FANCM: variants seen among roughly 807,000 people sequenced by gnomAD.
FANCM encodes Fanconi anemia group M protein.
A neutral mutation model predicts 199.5 loss-of-function variants in FANCM; 140 were observed. That is an observed-to-expected ratio of 0.70 (90% CI 0.61 to 0.81). The LOEUF (loss-of-function observed/expected upper bound fraction) is 0.81, where lower values mean the gene tolerates loss of function less well. Ranked by LOEUF, FANCM falls within the 30% of genes least tolerant of loss-of-function variation. The pLI is 0.00. For synonymous variants in FANCM, 840 were observed against 836.8 expected, an observed-to-expected ratio of 1.00 and a Z score of -0.07; for missense variants, 2,410 against 2,421.4, an observed-to-expected ratio of 1.00 and a Z score of 0.10.
intron 8 of FANCM, among the ~76,000 whole-genome samples, chr14:45,156,916 CAAAAAAA>C (rs535786477): frequency 2.1e-5 from 1 of 47,802 alleles, no homozygotes; most frequent in Non-Finnish European, 4.5e-5. Flanking sequence ...GACTCTGTCT[CAAAAAAA>C]AAAAAAAAAA....
In FANCM at chr14:45,176,637, A is replaced by G. The variant is rs2139251959; in HGVS notation, c.3883A>G (p.Ile1295Val). Residue 1295 changes from isoleucine (I) to valine (V), a missense_variant, in exon 14 of 23, where the codon ATT becomes GTT. Physicochemically the swap from Ile to Val is conservative, Grantham distance 29 (BLOSUM62 3). Transcript: ENST00000267430. The part of the protein sequence containing the change: ...HSKNFTSGTV[I>V]IPSNEDMQNP... ...TAAAAATTTTACTAGTGGAACTGTT[A>G]TTATCCCATCAAATGAAGATATGCA... The G allele has an allele frequency of 6.2e-7, 1 of 1,613,612 alleles. No homozygotes were observed.
rs78410784 is a variant in FANCM at position 45,170,782 on chromosome 14, C to G, written c.2160+36C>G. On this transcript the variant is annotated intron_variant, in intron 12 of 22. Transcript: ENST00000267430. ...TATATTTTCAGATGTTCTTTTCCCC[C>G]CCCTCATTTTAATGCCAGAACCCCT... 8.7e-3 allele frequency: 13,782 copies of G among 1,575,440 alleles called. 953 individuals carry two copies. The African/African-American group carries it at 0.15, about 18-fold the overall frequency.
chr14:45,181,631 C>T lies in FANCM; in HGVS notation c.4318-6C>T, dbSNP rs1594806015. 1.2e-6 allele frequency: 2 copies of T among 1,608,214 alleles called. No homozygotes were observed. The highest frequency in any genetic ancestry group is 1.7e-6 in the Non-Finnish European group (2 of 1,175,090). On this transcript the variant is annotated splice_polypyrimidine_tract_variant and splice_region_variant and intron_variant, in intron 15 of 22. Transcript: ENST00000267430. ...TGTTGCCTTTTACTTTATTTACTTA[C>T]TTTAGGATCAGAAAAATAGTGAAGT... is the stretch of plus-strand genomic sequence containing the variant.
chr14:45,182,975 T>G (rs1180436026), intron 16 of FANCM, among the ~76,000 whole-genome samples: 1 of 152,152 alleles, frequency 6.6e-6, no homozygotes, highest in African/African-American at 2.4e-5. Context: ...ACAGAATGTT[T>G]GTATGGGCAC....
intron 11 of FANCM, among the ~76,000 whole-genome samples, chr14:45,168,685 T>A (rs916550984): frequency 6.7e-6 from 1 of 149,244 alleles, no homozygotes; most frequent in East Asian, 1.9e-4. Flanking sequence ...AATACACTAG[T>A]GTATTTATAC....
At chr14:45,199,513 C>CTAG (rs1475547317) in intron 22 of FANCM, among the ~76,000 whole-genome samples, 1 of 152,158 alleles carries the variant, frequency 6.6e-6, no homozygotes, top group Non-Finnish European at 1.5e-5. Flanking sequence ...ATAGAGCTAG[C>CTAG]TAGCTCTTTG....
chr14:45,179,147 C>T (rs1449805280), intron 14 of FANCM, among the ~76,000 whole-genome samples: 1 of 151,834 alleles, frequency 6.6e-6, no homozygotes, highest in African/African-American at 2.4e-5. Context: ...TCCAGTGAGC[C>T]GAGATCGCGC....
chr14:45,167,015 C>G lies in FANCM; in HGVS notation c.1854C>G (p.Val618=). 1 of 1,611,056 alleles carries G rather than the reference C, an allele frequency of 6.2e-7. No homozygotes were observed. Among genetic ancestry groups the G allele is most frequent in the East Asian group, 2.2e-5 (1 of 44,846 alleles). Residue 618 remains valine (V), a synonymous_variant, in exon 11 of 23, where the codon GTC becomes GTG. Coordinates refer to ENST00000267430, the MANE Select transcript of FANCM (RefSeq NM_020937.4). ...IYKAISSNRQ[V]LHFYQRSPRM... The stretch of plus-strand genomic sequence containing the variant: ...AAGCTATTTCAAGTAACAGGCAGGT[C>G]CTTCATTTTTACCAAAGAAGTCCAC...
intron 20 of FANCM, among the ~76,000 whole-genome samples, chr14:45,191,341 C>CG (rs1889753919): frequency 6.6e-6 from 1 of 152,116 alleles, no homozygotes; most frequent in Non-Finnish European, 1.5e-5. Context: ...GTCTCAGTAT[C>CG]CTAGGCTTTT....
rs2139243267 is a variant in FANCM at position 45,175,456 on chromosome 14, C to A, written c.2702C>A (p.Ser901Ter). 6.2e-7 allele frequency: 1 copy of A among 1,606,030 alleles called. No homozygotes were observed. Among genetic ancestry groups the A allele is most frequent in the Non-Finnish European group, 8.5e-7 (1 of 1,176,200 alleles). Residue 901 changes from serine to a stop codon, truncating the protein, a stop_gained, in exon 14 of 23, where the codon TCA becomes TAA. Transcript: ENST00000267430. LOFTEE classifies it high-confidence loss of function. Reference protein sequence around the residue: ...QEDLPNDKRTSDTDEIAATCT... With the variant: ...QEDLPNDKRT Reference sequence around the variant, plus strand: ...GACCTACCAAATGATAAAAGGACATCAGATACAGATGAAATTGCTGCCACA... The same window carrying A: ...GACCTACCAAATGATAAAAGGACATAAGATACAGATGAAATTGCTGCCACA...
At chr14:45,159,369 A>C in intron 9 of FANCM, 89 bp downstream of exon 9, 1 of 874,718 alleles carries the variant, frequency 1.1e-6, no homozygotes, top group Non-Finnish European at 1.8e-6. Flanking sequence ...TCACTGGTCA[A>C]TTAGCTACTT....
intron 20 of FANCM, among the ~76,000 whole-genome samples, chr14:45,194,237 G>C (rs187656085): frequency 6.6e-6 from 1 of 151,786 alleles, no homozygotes; most frequent in Non-Finnish European, 1.5e-5. Flanking sequence ...GGTAGGCAGA[G>C]GTTGCAGTGA....
intron 4 of FANCM, among the ~76,000 whole-genome samples, chr14:45,150,988 A>G (rs1352382257): frequency 6.6e-6 from 1 of 152,242 alleles, no homozygotes; most frequent in Non-Finnish European, 1.5e-5. Flanking sequence ...TTTATTCAGT[A>G]CTTTACAAAC....
intron 13 of FANCM, 63 bp downstream of exon 13, chr14:45,173,273 A>G: frequency 1.4e-6 from 2 of 1,406,068 alleles, no homozygotes; most frequent in Non-Finnish European, 2.0e-6. Flanking sequence ...CTTAGCTTTT[A>G]TTTTTCTTAA....
chr14:45,188,773 T>A (rs1311664024), intron 19 of FANCM, 29 bp from the exon 20 acceptor site: 1 of 1,484,404 alleles, frequency 6.7e-7, no homozygotes, highest in East Asian at 2.3e-5. Flanking sequence ...CTGAAATAAA[T>A]ATAAAACATT....
At position 45,189,075 on chromosome 14, in the gene FANCM, G is replaced by A. The variant is rs1200905170; in HGVS notation, c.5053G>A (p.Glu1685Lys). 1.2e-6 allele frequency: 2 copies of A among 1,614,012 alleles called. No homozygotes were observed. The highest frequency in any genetic ancestry group is 1.7e-6 in the Non-Finnish European group (2 of 1,179,998). Residue 1685 changes from glutamate to lysine, a missense_variant, in exon 20 of 23, where the codon GAA becomes AAA. Physicochemically the swap from Glu to Lys is moderately conservative, Grantham distance 56. Transcript: ENST00000267430. ...EEENNVNDKR[E>K]SNIAVNPSTV... ...GGAGAACAATGTAAATGATAAAAGA[G>A]AATCTAATATTGCGGTTAACCCAAG...
At position 45,153,315 on chromosome 14, in the gene FANCM, A is replaced by ATAGC. The variant is rs1886951189; in HGVS notation, c.1051-602_1051-599dup. On this transcript the variant is annotated intron_variant, in intron 5 of 22. Coordinates refer to ENST00000267430, the MANE Select transcript of FANCM (RefSeq NM_020937.4). Reference sequence around the variant, plus strand: ...TCCTCATCTATAAAATGAGCATAACATAGCTACCTGCTAGATACTAAGATT... The same window carrying ATAGC: ...TCCTCATCTATAAAATGAGCATAACATAGCTAGCTACCTGCTAGATACTAAGATT... 3.9e-5 allele frequency among the ~76,000 whole-genome samples: 6 copies of ATAGC among 152,360 alleles called. No homozygotes were observed. In the South Asian group the frequency reaches 1.0e-3, roughly 26 times the overall value.
At chr14:45,171,977 CA>C (rs1427635465) in intron 12 of FANCM, among the ~76,000 whole-genome samples, 1 of 152,138 alleles carries the variant, frequency 6.6e-6, no homozygotes, top group Non-Finnish European at 1.5e-5. Context: ...CTCCCACCAG[CA>C]GTGTAAAAGT....
chr14:45,164,417 A>G lies in FANCM; in HGVS notation c.1640A>G (p.Glu547Gly), dbSNP rs2139204548. The G allele has an allele frequency of 6.2e-7, 1 of 1,613,552 alleles. No homozygotes were observed. Among genetic ancestry groups the G allele is most frequent in the Non-Finnish European group, 8.5e-7 (1 of 1,179,978 alleles). ...ACGCTGGTTTCTACCTGTGTGGGTG[A>G]AGAAGGTTTGGATATAGGAGAAGTT... ...YNTLVSTCVGEEGLDIGEVDL... is the reference protein window; with the variant it reads ...YNTLVSTCVGGEGLDIGEVDL... Residue 547 changes from glutamate (E) to glycine (G), a missense_variant, in exon 10 of 23, where the codon GAA becomes GGA. By Grantham distance (98) the Glu-to-Gly change is moderately conservative. Transcript: ENST00000267430.
Sources: gnomAD v4.1 joint callset for allele counts (sites outside exome capture counted in the v4.1 genomes callset) on GRCh38, gnomAD v4.1.1 for gene constraint, MANE v1.5 for transcripts, NCBI Gene and HGNC (gene_info 2026-07-23, HGNC 2026-07-21) for gene names.